The following CFAP44 variants were observed in gnomAD, a reference collection of about 807,000 sequenced individuals.
CFAP44 encodes the protein cilia- and flagella-associated protein 44.
Under a neutral mutation model 216.2 loss-of-function variants are expected in CFAP44, and 134 were observed. The observed-to-expected ratio is 0.62, with a 90% CI of 0.54 to 0.72. The LOEUF (loss-of-function observed/expected upper bound fraction) is 0.72. Among genes scored for constraint, CFAP44 ranks in the 30% least tolerant of loss-of-function variants. The probability of loss-of-function intolerance (pLI) is 0.00; values close to 1 mark genes in which losing one functional copy is unlikely to be tolerated. For missense variants in CFAP44, 2,035 were observed against 2,182.1 expected (o/e 0.93, Z 1.34); for synonymous variants, 700 against 727.6 (o/e 0.96, Z 0.61).
rs1191700066 is a variant in CFAP44 at position 113,401,279 on chromosome 3, A to G, written c.1335T>C (p.Asn445=). 6.9e-6 allele frequency: 11 copies of G among 1,583,506 alleles called. No homozygotes were observed. Among genetic ancestry groups the G allele is most frequent in the Non-Finnish European group, 9.4e-6 (11 of 1,171,058 alleles). ...GNNFWLAQDA[N]GAIWKLDLSF... ...TAAGGTCAAGCTTCCATATGGCTCC[A>G]TTGGCATCCTAAAAAAATTAAATAG... is the stretch of plus-strand genomic sequence containing the variant. The change falls in exon 11 of 35, where the codon AAT becomes AAC. Residue 445 remains asparagine, a synonymous_variant. Transcript: ENST00000393845.
chr3:113,296,008 G>A (rs762690894), intron 33 of CFAP44, among the ~76,000 whole-genome samples: 11 of 152,176 alleles, frequency 7.2e-5, no homozygotes, highest in Non-Finnish European at 1.0e-4. Context: ...TCACCAGATA[G>A]CAAACGTTGT....
intron 32 of CFAP44, among the ~76,000 whole-genome samples, chr3:113,297,413 T>C (rs368495959): frequency 1.3e-5 from 2 of 152,018 alleles, no homozygotes; most frequent in Admixed American, 6.6e-5. Context: ...TTCTCAAACA[T>C]GCCAGGCTCA....
rs1469173222 is a variant in CFAP44 at position 113,289,311 on chromosome 3, C to T, written c.*2246G>A. The T allele has an allele frequency of 6.6e-6, 1 of 152,198 alleles. No homozygotes were observed. Among genetic ancestry groups the T allele is most frequent in the Non-Finnish European group, 1.5e-5 (1 of 68,030 alleles). 9.4% of individuals were successfully genotyped at this position (152,198 alleles called of 1,614,324 possible). The stretch of plus-strand genomic sequence containing the variant: ...TTGTAGAATTAACTAGTGATTTAGT[C>T]CAGCTCAGTTTGGGAATAATTATCC... On this transcript the variant is annotated 3_prime_UTR_variant, in exon 35 of 35. Coordinates refer to ENST00000393845, the MANE Select transcript of CFAP44 (RefSeq NM_001164496.2).
intron 18 of CFAP44, among the ~76,000 whole-genome samples, chr3:113,370,141 T>C (rs1485938472): frequency 6.6e-6 from 1 of 152,204 alleles, no homozygotes; most frequent in Non-Finnish European, 1.5e-5. Flanking sequence ...AGCCGAATTC[T>C]ATCAGAGGTA....
intron 1 of CFAP44, among the ~76,000 whole-genome samples, chr3:113,439,383 C>T (rs1279771892): frequency 6.6e-6 from 1 of 152,124 alleles, no homozygotes; most frequent in Non-Finnish European, 1.5e-5. Context: ...CAACCTTACA[C>T]ATAAAAAAAA....
chr3:113,439,814 C>T (rs2107426038), intron 1 of CFAP44, among the ~76,000 whole-genome samples: 1 of 152,256 alleles, frequency 6.6e-6, no homozygotes, highest in East Asian at 1.9e-4. Flanking sequence ...AGGTTCTGGT[C>T]CTCATGCTCA....
At chr3:113,330,048 G>T in intron 26 of CFAP44, 120 bp downstream of exon 26, 3 of 1,262,062 alleles carry the variant, frequency 2.4e-6, no homozygotes, top group Non-Finnish European at 3.2e-6. Context: ...TGGTAAGCTG[G>T]TCAGGGTTTG....
At chr3:113,340,151 G>A (rs1287877113) in intron 24 of CFAP44, among the ~76,000 whole-genome samples, 1 of 152,198 alleles carries the variant, frequency 6.6e-6, no homozygotes, top group African/African-American at 2.4e-5. Context: ...GAGGAAAAAG[G>A]GTAAGGAGAG....
At chr3:113,365,555 T>TA (rs1950579029) in intron 19 of CFAP44, among the ~76,000 whole-genome samples, 1 of 152,084 alleles carries the variant, frequency 6.6e-6, no homozygotes, top group African/African-American at 2.4e-5. Flanking sequence ...GTTCTGCTTT[T>TA]AAAAAAATAC....
intron 19 of CFAP44, among the ~76,000 whole-genome samples, chr3:113,365,233 CCAG>C (rs1950576680): frequency 6.6e-6 from 1 of 152,132 alleles, no homozygotes; most frequent in African/African-American, 2.4e-5. Context: ...CCCTCTCTAA[CCAG>C]CAGCCCATAC....
chr3:113,345,430 T>C (rs1950372142), intron 22 of CFAP44, among the ~76,000 whole-genome samples: 1 of 152,178 alleles, frequency 6.6e-6, no homozygotes. Context: ...CATGTGGCAA[T>C]GCAATTTATT....
At chr3:113,440,609 G>A (rs1012311790) in intron 1 of CFAP44, among the ~76,000 whole-genome samples, 3 of 151,936 alleles carry the variant, frequency 2.0e-5, no homozygotes, top group African/African-American at 7.3e-5. Context: ...TACCATTACT[G>A]TACCGTCATA....
intron 32 of CFAP44, among the ~76,000 whole-genome samples, chr3:113,303,277 A>G (rs1280063294): frequency 1.3e-5 from 2 of 152,230 alleles, no homozygotes. Flanking sequence ...GTGTACAAGA[A>G]GGTTTCCTGT....
At chr3:113,386,084 G>A (rs1373257513) in intron 15 of CFAP44, among the ~76,000 whole-genome samples, 2 of 152,088 alleles carry the variant, frequency 1.3e-5, no homozygotes, top group African/African-American at 4.8e-5. Flanking sequence ...GTGCTCTGAG[G>A]TGGGATGTAT....
At position 113,291,623 on chromosome 3, in the gene CFAP44, T is replaced by C; in HGVS notation, c.5499A>G (p.Lys1833=). The C allele has an allele frequency of 6.5e-7, 1 of 1,537,292 alleles. No homozygotes were observed. Among genetic ancestry groups the C allele is most frequent in the Non-Finnish European group, 8.7e-7 (1 of 1,146,918 alleles). ...LKEEIALLRR[K]GSLILPPIQS... is the part of the protein sequence containing the mutation. ...GAATGGGTGGGAGGATAAGACTGCC[T>C]TTCCTACGCAAAAGAGCAATCTCCT... Residue 1833 remains lysine, a synonymous_variant, in exon 35 of 35, where the codon AAA becomes AAG. Transcript: ENST00000393845.
rs1266686750 is a variant in CFAP44 at position 113,403,861 on chromosome 3, T to C, written c.1161A>G (p.Gly387=). ...TATCGAGAAAACTTACCCTAACATA[T>C]CCATCTGACCCAACAGTGATAACTT... ...EGEVITVGSD[G]YVRIWDFETI... The change falls in exon 9 of 35, where the codon GGA becomes GGG. Residue 387 remains glycine (G), a synonymous_variant. Coordinates refer to ENST00000393845, the MANE Select transcript of CFAP44 (RefSeq NM_001164496.2). 6.2e-7 allele frequency: 1 copy of C among 1,612,902 alleles called. No homozygotes were observed. The highest frequency in any genetic ancestry group is 8.5e-7 in the Non-Finnish European group (1 of 1,179,506).
intron 1 of CFAP44, among the ~76,000 whole-genome samples, chr3:113,438,805 C>T (rs185316151): frequency 1.3e-3 from 195 of 152,230 alleles, no homozygotes; most frequent in African/African-American, 4.5e-3. Flanking sequence ...TTGTAGTTGG[C>T]TCTCATTTCT....
chr3:113,336,799 C>T lies in CFAP44; in HGVS notation c.3438-3216G>A, dbSNP rs116430861. Among the ~76,000 whole-genome samples, 1,356 of 151,738 alleles carry T rather than the reference C, an allele frequency of 8.9e-3. 17 individuals carry two copies. Among genetic ancestry groups the T allele is most frequent in the African/African-American group, 0.031 (1,265 of 41,382 alleles). On this transcript the variant is annotated intron_variant, in intron 24 of 34. Transcript: ENST00000393845. ...AAAAACATGACCCAATTTTATGTTG[C>T]CTAGTGAAGTTAGTAAAGACACTAA... is the stretch of plus-strand genomic sequence containing the variant.
intron 6 of CFAP44, among the ~76,000 whole-genome samples, chr3:113,414,738 G>C (rs1278882682): frequency 6.6e-6 from 1 of 152,126 alleles, no homozygotes; most frequent in Admixed American, 6.6e-5. Flanking sequence ...TACGTTTTTC[G>C]ATGTGCTGCT....
Sources: allele counts gnomAD v4.1 joint callset (sites outside exome capture counted in the v4.1 genomes callset), GRCh38; gene constraint gnomAD v4.1.1; transcripts MANE v1.5; gene names NCBI Gene and HGNC (gene_info 2026-07-23, HGNC 2026-07-21).